Variants in SRCAP observed in about 807,000 individuals in gnomAD.
The protein encoded by SRCAP is chromatin remodeling protein SRCAP.
SRCAP carries 46 observed loss-of-function variants against 263.1 expected under a neutral mutation model. The observed-to-expected ratio is 0.17, with a 90% CI of 0.14 to 0.22. The LOEUF (loss-of-function observed/expected upper bound fraction) is 0.22. Among genes scored for constraint, SRCAP ranks in the 10% least tolerant of loss-of-function variants. The pLI is 1.00. For synonymous variants in SRCAP, 1,813 were observed against 1,662.1 expected, an observed-to-expected ratio of 1.09 and a Z score of -2.21; for missense variants, 3,695 against 4,181.9, an observed-to-expected ratio of 0.88 and a Z score of 3.21.
In SRCAP at chr16:30,723,071, C is replaced by A; in HGVS notation, c.4001C>A (p.Pro1334Gln). ...CCATTGGCCCCAGCACCCCGGCCTC[C>A]GAGCTCTGGGCTTCCAGCTGTGTTG... ...VPPLAPAPRP[P>Q]SSGLPAVLNP... is the part of the protein sequence containing the mutation. Residue 1334 changes from proline (P) to glutamine (Q), a missense_variant, in exon 24 of 34, where the codon CCG (proline) becomes CAG (glutamine). Pro to Gln is a moderately conservative substitution (Grantham distance 76). This residue lies in a region of SRCAP where 1,347 missense variants were observed against 1,304.4 expected (regional missense o/e 1.03). Coordinates refer to ENST00000262518, the MANE Select transcript of SRCAP (RefSeq NM_006662.3). 2 of 1,614,094 alleles carry A rather than the reference C, an allele frequency of 1.2e-6. No individual in the cohort carries two copies. The highest frequency in any genetic ancestry group is 1.7e-6 in the Non-Finnish European group (2 of 1,180,014).
In SRCAP at chr16:30,724,066, G is replaced by C. The variant is rs757582593; in HGVS notation, c.4642G>C (p.Val1548Leu). The change falls in exon 25 of 34, where the codon GTC (valine) becomes CTC (leucine). Residue 1548 changes from valine to leucine, a missense_variant. Around this residue, in one of 12 missense-constraint regions of SRCAP, gnomAD observed 1,347 missense variants for 1,304.4 expected, o/e 1.03. Coordinates refer to ENST00000262518, the MANE Select transcript of SRCAP (RefSeq NM_006662.3). Reference protein sequence around the residue: ...NSTVAPACSPVLVPASALASP... With the variant: ...NSTVAPACSPLLVPASALASP... ...AACCGTGGCCCCAGCATGCTCACCTGTCCTGGTGCCAGCTTCGGCTCTGGC... is the reference window on the plus strand; with the variant it reads ...AACCGTGGCCCCAGCATGCTCACCTCTCCTGGTGCCAGCTTCGGCTCTGGC... The C allele has an allele frequency of 1.1e-5, 17 of 1,613,504 alleles. No homozygotes were observed. Among genetic ancestry groups the C allele is most frequent in the African/African-American group, 2.7e-5 (2 of 74,890 alleles).
Position 30,739,038 on chromosome 16 carries a change from A to ACGT in SRCAP, c.9000_9002dup (p.Ser3001dup). 6.2e-7 allele frequency: 1 copy of ACGT among 1,613,976 alleles called. No individual in the cohort carries two copies. Among genetic ancestry groups the ACGT allele is most frequent in the South Asian group, 1.1e-5 (1 of 91,076 alleles). Reference sequence around the variant, plus strand: ...CACTGTCACCACTGTCACCATTTCAACGTCCCCACCCAAACGGAAGAGGGG... The same window carrying ACGT: ...CACTGTCACCACTGTCACCATTTCAACGTCGTCCCCACCCAAACGGAAGAGGGG... On this transcript the variant is annotated inframe_insertion, in exon 34 of 34. Transcript: ENST00000262518.
At position 30,716,310 on chromosome 16, in the gene SRCAP, C is replaced by A. The variant is rs139524110; in HGVS notation, c.2648C>A (p.Ala883Asp). The A allele has an allele frequency of 6.2e-7, 1 of 1,614,146 alleles. No individual in the cohort carries two copies. Among genetic ancestry groups the A allele is most frequent in the Non-Finnish European group, 8.5e-7 (1 of 1,180,026 alleles). The change falls in exon 18 of 34, where the codon GCC becomes GAC. Residue 883 changes from alanine (A) to aspartate (D), a missense_variant. By Grantham distance (126) the Ala-to-Asp change is moderately radical. Transcript: ENST00000262518. ...MAQTTTKETL[A>D]TGHFMSVINI... ...TTCCCCAGAACTAAGGAGACACTAGCCACAGGCCATTTCATGAGCGTCATC... is the reference window on the plus strand; with the variant it reads ...TTCCCCAGAACTAAGGAGACACTAGACACAGGCCATTTCATGAGCGTCATC...
chr16:30,719,897 TC>T (rs1273254024), intron 18 of SRCAP, among the ~76,000 whole-genome samples: 4 of 152,142 alleles, frequency 2.6e-5, no homozygotes, highest in Non-Finnish European at 5.9e-5. Context: ...GTACGATTGA[TC>T]CTGTTACTCA....
At chr16:30,712,547 T>C (rs1369553665) in intron 13 of SRCAP, 108 bp downstream of exon 13, 1 of 1,516,018 alleles carries the variant, frequency 6.6e-7, no homozygotes, top group Non-Finnish European at 8.9e-7. Flanking sequence ...CTCCGGTCAT[T>C]AACTGTATAG....
In SRCAP at chr16:30,700,887, G is replaced by T; in HGVS notation, c.54+9G>T. ...CAGTCCTACAGACACAGGTTTGAAA[G>T]TGGGAAGAGTTCCTTCTCTGCTTCT... On this transcript the variant is annotated intron_variant, in intron 3 of 33. Coordinates refer to ENST00000262518, the MANE Select transcript of SRCAP (RefSeq NM_006662.3). 6.2e-7 allele frequency: 1 copy of T among 1,614,082 alleles called. No homozygotes were observed. The highest frequency in any genetic ancestry group is 8.5e-7 in the Non-Finnish European group (1 of 1,179,914).
chr16:30,738,403 C>A lies in SRCAP; in HGVS notation c.8363C>A (p.Pro2788Gln). ...GGGGTCTCTGAGACTAGTGCCAGCC[C>A]GGGAAGCCCGTCTGTCCGCAGCATG... ...VPGVSETSAS[P>Q]GSPSVRSMSG... Residue 2788 changes from proline to glutamine, a missense_variant, in exon 34 of 34, where the codon CCG (proline) becomes CAG (glutamine). Transcript: ENST00000262518. The A allele has an allele frequency of 6.5e-7, 1 of 1,546,790 alleles. No individual in the cohort carries two copies. The highest frequency in any genetic ancestry group is 8.7e-7 in the Non-Finnish European group (1 of 1,147,420).
intron 27 of SRCAP, among the ~76,000 whole-genome samples, chr16:30,732,378 GA>G (rs2053121872): frequency 6.6e-6 from 1 of 151,752 alleles, no homozygotes; most frequent in African/African-American, 2.4e-5. Flanking sequence ...TTGAATCCAG[GA>G]GGTGGAGGTT....
At chr16:30,716,006 T>G (rs1024710788) in intron 16 of SRCAP, 60 bp from the exon 17 acceptor site, 1 of 1,608,906 alleles carries the variant, frequency 6.2e-7, no homozygotes, top group Non-Finnish European at 8.5e-7. Context: ...GCTGAGGGGC[T>G]TAGGCTGGGG....
In SRCAP at chr16:30,715,978, A is replaced by G. The variant is rs2052945067; in HGVS notation, c.2494-88A>G. 5.8e-6 allele frequency: 9 copies of G among 1,543,132 alleles called. No homozygotes were observed. In the South Asian group the frequency reaches 8.2e-5, roughly 14 times the overall value. ...GTTGGTGTCTGATATGGTGTGCCGT[A>G]TGACTCCATTAGTGTTTGCTGAGGG... On this transcript the variant is annotated intron_variant, in intron 16 of 33. Transcript: ENST00000262518.
Position 30,720,695 on chromosome 16 carries a change from C to CTT in SRCAP, c.2988-17_2988-16dup. Reference sequence around the variant, plus strand: ...TTCTCCTTCTGTCCCTACCCACTCTCTTAATTTTTTCTCACAGGATGCTGC... The same window carrying CTT: ...TTCTCCTTCTGTCCCTACCCACTCTCTTTTAATTTTTTCTCACAGGATGCTGC... On this transcript the variant is annotated splice_polypyrimidine_tract_variant and intron_variant, in intron 19 of 33. Transcript: ENST00000262518. 2 of 1,577,318 alleles carry CTT rather than the reference C, an allele frequency of 1.3e-6. No individual in the cohort carries two copies. The highest frequency in any genetic ancestry group is 1.7e-6 in the Non-Finnish European group (2 of 1,159,012).
chr16:30,704,573 C>T (rs1054997470), intron 4 of SRCAP, among the ~76,000 whole-genome samples: 5 of 152,238 alleles, frequency 3.3e-5, no homozygotes, highest in South Asian at 2.1e-4. Flanking sequence ...CGCAGTGGCT[C>T]ACACCTGTAA....
rs759031420 is a variant in SRCAP, at chr16:30,710,822, A to T, written c.1203A>T (p.Glu401Asp). 33 of 1,614,112 alleles carry T rather than the reference A, an allele frequency of 2.0e-5. No homozygotes were observed. The highest frequency in any genetic ancestry group is 1.3e-4 in the African/African-American group (10 of 74,934). ...KQPWHPDEDD[E>D]EFTANEEEAE... ...CTTGGCATCCAGATGAAGATGATGA[A>T]GAGTTTACTGCCAACGAAGAGGAAG... The change falls in exon 9 of 34, where the codon GAA becomes GAT. Residue 401 changes from glutamate (E) to aspartate (D), a missense_variant. Around this residue, in one of 12 missense-constraint regions of SRCAP, gnomAD observed 288 missense variants for 302.4 expected, o/e 0.95. Transcript: ENST00000262518.
intron 3 of SRCAP, chr16:30,701,426 A>G (rs2052764887): frequency 6.6e-6 from 1 of 152,552 alleles, no homozygotes; most frequent in Admixed American, 6.5e-5. Context: ...TGTGTTGCCA[A>G]AGTGAGCAGT....
rs779711535 is a variant in SRCAP at position 30,710,894 on chromosome 16, ATTGTCT to A, written c.1228+48_1228+53del. The A allele has an allele frequency of 5.0e-5, 81 of 1,607,380 alleles. No individual in the cohort carries two copies. The East Asian group carries it at 1.8e-3, about 36-fold the overall frequency. On this transcript the variant is annotated intron_variant, in intron 9 of 33. Transcript: ENST00000262518. The stretch of plus-strand genomic sequence containing the variant: ...CTATTGCCCCTTACCCCTTGAATGA[ATTGTCT>A]GGACCTAACCTTTCAGGCTTTCTCA...
chr16:30,736,285 A>G lies in SRCAP; in HGVS notation c.6815A>G (p.Asn2272Ser), dbSNP rs369102676. The change falls in exon 32 of 34, where the codon AAT becomes AGT. Residue 2272 changes from asparagine (N) to serine (S), a missense_variant. Physicochemically the swap from Asn to Ser is conservative, Grantham distance 46. Coordinates refer to ENST00000262518, the MANE Select transcript of SRCAP (RefSeq NM_006662.3). ...AEQVAELAEF[N>S]ENDGFPAGEG... Reference sequence around the variant, plus strand: ...CAGGTGGCTGAGCTTGCAGAATTTAATGAGAACGATGGGTTTCCTGCTGGT... The same window carrying G: ...CAGGTGGCTGAGCTTGCAGAATTTAGTGAGAACGATGGGTTTCCTGCTGGT... 2 of 1,614,204 alleles carry G rather than the reference A, an allele frequency of 1.2e-6. No individual in the cohort carries two copies. The highest frequency in any genetic ancestry group is 1.7e-5 in the Admixed American group (1 of 60,022).
At chr16:30,710,718 C>G (rs759189010) in intron 8 of SRCAP, 36 bp from the exon 9 acceptor site, 3 of 1,608,746 alleles carry the variant, frequency 1.9e-6, no homozygotes, top group Non-Finnish European at 2.6e-6. Flanking sequence ...CTACTGTAAC[C>G]TTAGACCCTT....
chr16:30,733,572 A>C lies in SRCAP; in HGVS notation c.6298-30A>C, dbSNP rs1399313130. ...ACCTGTTTTGGGGGATAAGTCTCCC[A>C]GTATCATCTTTTTTTCCCTTTCCTT... is the stretch of plus-strand genomic sequence containing the variant. On this transcript the variant is annotated intron_variant, in intron 28 of 33. Transcript: ENST00000262518. This position sits in a 1 kb window ranked among gnomAD's most constrained non-coding sequence, Gnocchi z 5.3. 1 of 1,604,780 alleles carries C rather than the reference A, an allele frequency of 6.2e-7. No homozygotes were observed. Among genetic ancestry groups the C allele is most frequent in the East Asian group, 2.2e-5 (1 of 44,754 alleles).
intron 4 of SRCAP, among the ~76,000 whole-genome samples, chr16:30,706,854 TG>T (rs2052833399): frequency 1.3e-5 from 2 of 152,270 alleles, no homozygotes; most frequent in East Asian, 1.9e-4. Context: ...CCTATGTCTA[TG>T]GGGTGTGGAG....
Sources: gnomAD v4.1 joint callset for allele counts (sites outside exome capture counted in the v4.1 genomes callset) on GRCh38, gnomAD v4.1.1 for gene constraint, gnomAD v4.1.1 regional missense constraint, Gnocchi (gnomAD v3.1) non-coding constraint, MANE v1.5 for transcripts, NCBI Gene and HGNC (gene_info 2026-07-23, HGNC 2026-07-21) for gene names.